The following CAD variants were observed in gnomAD, a reference collection of about 807,000 sequenced individuals.
The protein encoded by CAD is carbamoyl-phosphate synthetase 2, aspartate transcarbamylase, and dihydroorotase.
A neutral mutation model predicts 237.2 loss-of-function variants in CAD; 81 were observed. The observed-to-expected ratio is 0.34, with a 90% CI of 0.29 to 0.41. The LOEUF (loss-of-function observed/expected upper bound fraction) is 0.41, where lower values mean the gene tolerates loss of function less well. Among genes scored for constraint, CAD ranks in the 10% least tolerant of loss-of-function variants. CAD has a pLI of 1.00. For missense variants in CAD, 2,181 were observed against 2,951.7 expected, an observed-to-expected ratio of 0.74 and a Z score of 6.05; for synonymous variants, 1,196 against 1,162.8, an observed-to-expected ratio of 1.03 and a Z score of -0.58.
rs748384315 is a variant in CAD at position 27,235,477 on chromosome 2, G to A, written c.3969+50G>A. The A allele has an allele frequency of 1.9e-6, 3 of 1,611,708 alleles. No homozygotes were observed. The highest frequency in any genetic ancestry group is 2.2e-5 in the South Asian group (2 of 90,906). ...CGAGGGCCGTGGCTCCCTGGGCCAG[G>A]GCTGACCTTGAAATGGAAGACAGGA... On this transcript the variant is annotated intron_variant, in intron 24 of 43. Transcript: ENST00000264705. The surrounding 1 kb of genome is among the most constrained non-coding windows in gnomAD (Gnocchi z 5.2).
At chr2:27,219,412 G>A (rs148298023) in intron 2 of CAD, among the ~76,000 whole-genome samples, 1,536 of 151,880 alleles carry the variant, frequency 0.01, 14 homozygotes, top group South Asian at 0.026. Context: ...CATAATCATG[G>A]CTCACTTGCA....
rs1467221725 is a variant in CAD, at chr2:27,241,348, C to T, written c.5835C>T (p.His1945=). 3 of 1,614,188 alleles carry T rather than the reference C, an allele frequency of 1.9e-6. No homozygotes were observed. The highest frequency in any genetic ancestry group is 1.6e-4 in the Middle Eastern group (1 of 6,062). Residue 1945 remains histidine (H), a synonymous_variant, in exon 38 of 44, where the codon CAC becomes CAT. Coordinates refer to ENST00000264705, the MANE Select transcript of CAD (RefSeq NM_004341.5). The surrounding 1 kb of genome is among the most constrained non-coding windows in gnomAD (Gnocchi z 4.6). ...TGTCTCACCTGTTCAATGTGGCACA[C>T]ACACTGCGTATGATGGTGCAGAAGG... ...DQMSHLFNVA[H]TLRMMVQKER...
chr2:27,217,611 C>T lies in CAD; in HGVS notation c.60C>T (p.Ala20=), dbSNP rs1674927964. ...TGCGGGGCCAGCCCTTTGGGGCCGCCGTGTCGACTGCCGGGGAAGTGGGTA... is the reference window on the plus strand; with the variant it reads ...TGCGGGGCCAGCCCTTTGGGGCCGCTGTGTCGACTGCCGGGGAAGTGGGTA... ...SVLRGQPFGA[A]VSTAGEVVFQ... is the part of the protein sequence containing the mutation. The change falls in exon 1 of 44, where the codon GCC becomes GCT. Residue 20 remains alanine, a synonymous_variant. Coordinates refer to ENST00000264705, the MANE Select transcript of CAD (RefSeq NM_004341.5). 6.2e-7 allele frequency: 1 copy of T among 1,607,828 alleles called. No homozygotes were observed. Among genetic ancestry groups the T allele is most frequent in the Non-Finnish European group, 8.5e-7 (1 of 1,177,524 alleles).
At position 27,240,128 on chromosome 2, in the gene CAD, C is replaced by G; in HGVS notation, c.5497-137C>G. 1 of 729,790 alleles carries G rather than the reference C, an allele frequency of 1.4e-6. No homozygotes were observed. Among genetic ancestry groups the G allele is most frequent in the Non-Finnish European group, 2.3e-6 (1 of 426,642 alleles). 45.2% of individuals were successfully genotyped at this position (729,790 alleles called of 1,614,324 possible). On this transcript the variant is annotated intron_variant, in intron 34 of 43. Coordinates refer to ENST00000264705, the MANE Select transcript of CAD (RefSeq NM_004341.5). The surrounding 1 kb of genome is among the most constrained non-coding windows in gnomAD (Gnocchi z 4.6). ...TGGTGGTGCACATCTGTAATCCCAG[C>G]TACTTGGGAGGCTGAGGCAGGAGAA...
At position 27,241,385 on chromosome 2, in the gene CAD, G is replaced by A. The variant is rs745600627; in HGVS notation, c.5872G>A (p.Asp1958Asn). The A allele has an allele frequency of 6.3e-5, 102 of 1,614,172 alleles. No individual in the cohort carries two copies. The highest frequency in any genetic ancestry group is 8.9e-5 in the East Asian group (4 of 44,876). ...RMMVQKERSL[D>N]ILKGKVMASM... is the part of the protein sequence containing the mutation. ...GATGGTGCAGAAGGAGCGGAGCCTC[G>A]ACATCCTGAAGGTCAGGATCAGGGC... The change falls in exon 38 of 44, where the codon GAC becomes AAC. Residue 1958 changes from aspartate to asparagine, a missense_variant. Physicochemically the swap from Asp to Asn is conservative, Grantham distance 23. Coordinates refer to ENST00000264705, the MANE Select transcript of CAD (RefSeq NM_004341.5). The surrounding 1 kb of genome is among the most constrained non-coding windows in gnomAD (Gnocchi z 4.6).
Position 27,237,667 on chromosome 2 carries a change from C to T in CAD, c.4564-51C>T, listed in dbSNP as rs1470397544. 1 of 1,586,334 alleles carries T rather than the reference C, an allele frequency of 6.3e-7. No homozygotes were observed. Among genetic ancestry groups the T allele is most frequent in the Non-Finnish European group, 8.6e-7 (1 of 1,164,296 alleles). On this transcript the variant is annotated intron_variant, in intron 28 of 43. Transcript: ENST00000264705. The surrounding 1 kb of genome is among the most constrained non-coding windows in gnomAD (Gnocchi z 4.0). Reference sequence around the variant, plus strand: ...GCCCAGGCCACTGGTGCCAGGCTAGCCTGTGTGGGCATGGGTGCCAGTGAG... The same window carrying T: ...GCCCAGGCCACTGGTGCCAGGCTAGTCTGTGTGGGCATGGGTGCCAGTGAG...
At position 27,236,885 on chromosome 2, in the gene CAD, A is replaced by T; in HGVS notation, c.4396+55A>T. On this transcript the variant is annotated intron_variant, in intron 27 of 43. Transcript: ENST00000264705. The surrounding 1 kb of genome is among the most constrained non-coding windows in gnomAD (Gnocchi z 4.1). The stretch of plus-strand genomic sequence containing the variant: ...AACACTGGCAGCCCCTGGCATAGAG[A>T]CCTGCAGTGTGGTGAAGGATGGCTG... 2 of 1,448,338 alleles carry T rather than the reference A, an allele frequency of 1.4e-6. No individual in the cohort carries two copies. The highest frequency in any genetic ancestry group is 1.9e-6 in the Non-Finnish European group (2 of 1,028,842). The allele number at this position is 1,448,338 out of a possible 1,614,324, so 89.7% of individuals were successfully genotyped here. A position where few individuals can be genotyped will look rare whatever the true frequency, so the allele number is the denominator to read the frequency against.
Position 27,242,090 on chromosome 2 carries a change from C to T in CAD, c.6063C>T (p.Val2021=), listed in dbSNP as rs141845167. 1.1e-5 allele frequency: 18 copies of T among 1,612,996 alleles called. No individual in the cohort carries two copies. The highest frequency in any genetic ancestry group is 1.4e-5 in the Non-Finnish European group (17 of 1,180,024). Residue 2021 remains valine, a synonymous_variant, in exon 39 of 44, where the codon GTC becomes GTT. Coordinates refer to ENST00000264705, the MANE Select transcript of CAD (RefSeq NM_004341.5). This position sits in a 1 kb window ranked among gnomAD's most constrained non-coding sequence, Gnocchi z 6.4. ...VQTMSCYADV[V]VLRHPQPGAV... ...CCATGAGCTGCTATGCCGACGTCGTCGTGCTCCGGCACCCCCAGCCTGGAG... is the reference window on the plus strand; with the variant it reads ...CCATGAGCTGCTATGCCGACGTCGTTGTGCTCCGGCACCCCCAGCCTGGAG...
Position 27,226,246 on chromosome 2 carries a change from T to C in CAD, c.1958T>C (p.Ile653Thr). The C allele has an allele frequency of 6.2e-7, 1 of 1,614,196 alleles. No homozygotes were observed. The highest frequency in any genetic ancestry group is 8.5e-7 in the Non-Finnish European group (1 of 1,180,020). ...TATCAGCTCCTGAGGCAGACAGCTA[T>C]CAAGGTGACCCAGCACCTGGGAATT... is the stretch of plus-strand genomic sequence containing the variant. The part of the protein sequence containing the change: ...REYQLLRQTA[I>T]KVTQHLGIVG... Residue 653 changes from isoleucine (I) to threonine (T), a missense_variant, in exon 13 of 44, where the codon ATC becomes ACC. By Grantham distance (89) the Ile-to-Thr change is moderately conservative. Around this residue, in one of 12 missense-constraint regions of CAD, gnomAD observed 385 missense variants for 535.1 expected, o/e 0.72. Coordinates refer to ENST00000264705, the MANE Select transcript of CAD (RefSeq NM_004341.5).
chr2:27,235,237 C>T lies in CAD; in HGVS notation c.3787-8C>T, dbSNP rs751812290. On this transcript the variant is annotated splice_region_variant and splice_polypyrimidine_tract_variant and intron_variant, in intron 23 of 43. Transcript: ENST00000264705. This position sits in a 1 kb window ranked among gnomAD's most constrained non-coding sequence, Gnocchi z 5.2. ...CTTGGCCCTCTCTCTTCCCTCCCGC[C>T]CCTTTAGGTGCCTCAGTTCTCCTTC... The T allele has an allele frequency of 1.9e-6, 3 of 1,598,670 alleles. No homozygotes were observed. The highest frequency in any genetic ancestry group is 2.3e-5 in the South Asian group (2 of 88,732).
At chr2:27,230,291 T>C (rs1196065737) in intron 15 of CAD, among the ~76,000 whole-genome samples, 1 of 151,810 alleles carries the variant, frequency 6.6e-6, no homozygotes, top group Non-Finnish European at 1.5e-5. Context: ...GGAAAATGTA[T>C]GATGAGGAAA....
Position 27,224,416 on chromosome 2 carries a change from C to T in CAD, c.1180C>T (p.Arg394Ter), listed in dbSNP as rs1675331087. 5 of 1,614,106 alleles carry T rather than the reference C, an allele frequency of 3.1e-6. No individual in the cohort carries two copies. The South Asian group carries it at 3.3e-5, about 11-fold the overall frequency. Reference sequence around the variant, plus strand: ...TCCCGGCTCTGGACTTCCACCACCACGAAAGGTTCTGATCCTGGGCTCAGG... The same window carrying T: ...TCCCGGCTCTGGACTTCCACCACCATGAAAGGTTCTGATCCTGGGCTCAGG... ...PTPGSGLPPP[R>*]KVLILGSGGL... The change falls in exon 9 of 44, where the codon CGA (arginine) becomes TGA (stop). Residue 394 changes from arginine to a stop codon, truncating the protein, a stop_gained. Transcript: ENST00000264705. LOFTEE classifies it high-confidence loss of function.
chr2:27,237,653 T>A lies in CAD; in HGVS notation c.4564-65T>A, dbSNP rs993861045. The A allele has an allele frequency of 1.1e-5, 17 of 1,576,550 alleles. No homozygotes were observed. In the African/African-American group the frequency reaches 2.3e-4, roughly 21 times the overall value. ...GCCCCGCCCTATGGGCCCAGGCCAC[T>A]GGTGCCAGGCTAGCCTGTGTGGGCA... is the stretch of plus-strand genomic sequence containing the variant. On this transcript the variant is annotated intron_variant, in intron 28 of 43. Coordinates refer to ENST00000264705, the MANE Select transcript of CAD (RefSeq NM_004341.5). The surrounding 1 kb of genome is among the most constrained non-coding windows in gnomAD (Gnocchi z 4.0).
In CAD at chr2:27,237,017, A is replaced by AT. The variant is rs149723808; in HGVS notation, c.4396+209dup. 0.13 allele frequency among the ~76,000 whole-genome samples: 16,188 copies of AT among 126,480 alleles called. 2,391 individuals carry two copies. The highest frequency in any genetic ancestry group is 0.36 in the African/African-American group (10,958 of 30,774). 83.0% of individuals were successfully genotyped at this position (126,480 alleles called of 152,430 possible). A position where few individuals can be genotyped will look rare whatever the true frequency, so the allele number is the denominator to read the frequency against. On this transcript the variant is annotated intron_variant, in intron 27 of 43. Coordinates refer to ENST00000264705, the MANE Select transcript of CAD (RefSeq NM_004341.5). This position sits in a 1 kb window ranked among gnomAD's most constrained non-coding sequence, Gnocchi z 4.0. ...TGTCCACAGTGGCCTTGTCTGAGGA[A>AT]TTTTTTTTTTTTTTTTTTTTTTGAG... is the stretch of plus-strand genomic sequence containing the variant.
chr2:27,224,675 A>G, intron 9 of CAD, 70 bp from the exon 10 acceptor site: 3 of 1,583,206 alleles, frequency 1.9e-6, no homozygotes, highest in Non-Finnish European at 2.6e-6. Context: ...GAAGAGGAGA[A>G]TGCTACTCTA....
In CAD at chr2:27,242,230, C is replaced by T; in HGVS notation, c.6097-72C>T. 3 of 1,581,902 alleles carry T rather than the reference C, an allele frequency of 1.9e-6. No homozygotes were observed. In the South Asian group the frequency reaches 3.4e-5, roughly 18 times the overall value. ...GTTTTGGGCCAGATGAGTGAGGGGA[C>T]CCCAGAAGAGGGGGACTGGCAGTTG... On this transcript the variant is annotated intron_variant, in intron 39 of 43. Transcript: ENST00000264705. This position sits in a 1 kb window ranked among gnomAD's most constrained non-coding sequence, Gnocchi z 6.4.
At chr2:27,226,457 C>A in intron 13 of CAD, 68 bp from the exon 14 acceptor site, 1 of 1,583,140 alleles carries the variant, frequency 6.3e-7, no homozygotes, top group Non-Finnish European at 8.6e-7. Flanking sequence ...GGTTACTTTT[C>A]TCTCCTTTCT....
intron 1 of CAD, 29 bp from the exon 2 acceptor site, chr2:27,217,848 C>G (rs752146655): frequency 6.4e-7 from 1 of 1,566,494 alleles, no homozygotes; most frequent in African/African-American, 1.4e-5. Context: ...GGTGCCCTAC[C>G]GGAGCCCAGC....
In CAD at chr2:27,225,159, C is replaced by T. The variant is rs368889621; in HGVS notation, c.1536C>T (p.Thr512=). 56 of 1,613,960 alleles carry T rather than the reference C, an allele frequency of 3.5e-5. No individual in the cohort carries two copies. The highest frequency in any genetic ancestry group is 1.6e-4 in the Middle Eastern group (1 of 6,084). Residue 512 remains threonine, a synonymous_variant, in exon 11 of 44, where the codon ACC becomes ACT. Transcript: ENST00000264705. ...LGTPVETIEL[T]EDRRAFAARM... Reference sequence around the variant, plus strand: ...CACCAGTGGAGACCATTGAGCTGACCGAGGATCGACGGGCCTTTGCTGCCA... The same window carrying T: ...CACCAGTGGAGACCATTGAGCTGACTGAGGATCGACGGGCCTTTGCTGCCA...
Sources: gnomAD v4.1 joint callset for allele counts (sites outside exome capture counted in the v4.1 genomes callset) on GRCh38, gnomAD v4.1.1 for gene constraint, gnomAD v4.1.1 regional missense constraint, Gnocchi (gnomAD v3.1) non-coding constraint, MANE v1.5 for transcripts, NCBI Gene and HGNC (gene_info 2026-07-23, HGNC 2026-07-21) for gene names.